SLC4A4: variants seen among roughly 807,000 people sequenced by gnomAD.
SLC4A4 encodes solute carrier family 4 member 4, also known as electrogenic sodium bicarbonate cotransporter 1.
Under a neutral mutation model 111.5 loss-of-function variants are expected in SLC4A4, and 27 were observed. The observed-to-expected ratio is 0.24, with a 90% CI of 0.18 to 0.33. SLC4A4 has a LOEUF of 0.33. SLC4A4 is among the 10% of genes least tolerant of loss of function. The probability of loss-of-function intolerance (pLI) is 1.00; values close to 1 mark genes in which losing one functional copy is unlikely to be tolerated. For synonymous variants in SLC4A4, 443 were observed against 463.4 expected, an observed-to-expected ratio of 0.96 and a Z score of 0.57; for missense variants, 909 against 1,315.5, an observed-to-expected ratio of 0.69 and a Z score of 4.78.
intron 3 of SLC4A4, chr4:71,338,974 C>A: frequency 1.9e-6 from 2 of 1,077,686 alleles, no homozygotes; most frequent in Non-Finnish European, 1.2e-6. Context: ...ACTTTGTTGT[C>A]CCTCCCACTG....
intron 14 of SLC4A4, 137 bp from the exon 15 acceptor site, chr4:71,486,811 A>G: frequency 1.8e-6 from 1 of 556,564 alleles, no homozygotes; most frequent in South Asian, 2.3e-5. Context: ...ATAATAAATA[A>G]AAATTCATTG....
chr4:71,279,177 A>T (rs368387428), intron 3 of SLC4A4, among the ~76,000 whole-genome samples: 20 of 152,274 alleles, frequency 1.3e-4, no homozygotes, highest in East Asian at 5.8e-4. Flanking sequence ...GATCTCCAGA[A>T]CTTACTCATC....
rs537442309 is a variant in SLC4A4 at position 71,475,304 on chromosome 4, A to C, written c.1903+2334A>C. On this transcript the variant is annotated intron_variant, in intron 14 of 25. Transcript: ENST00000264485. Reference sequence around the variant, plus strand: ...TTGTGTTCGTTGTTTTATAATTTGGATGTTGGCAGAGAAGGTAACATGAAA... The same window carrying C: ...TTGTGTTCGTTGTTTTATAATTTGGCTGTTGGCAGAGAAGGTAACATGAAA... 3.3e-5 allele frequency among the ~76,000 whole-genome samples: 5 copies of C among 151,920 alleles called. No homozygotes were observed. In the South Asian group the frequency reaches 1.0e-3, roughly 31 times the overall value.
chr4:71,528,666 T>C (rs186651566), intron 16 of SLC4A4, among the ~76,000 whole-genome samples: 22 of 152,218 alleles, frequency 1.4e-4, no homozygotes, highest in Non-Finnish European at 2.5e-4. Flanking sequence ...TTTTATGATA[T>C]TGTTCATTAT....
At chr4:71,077,853 C>A (rs1287482711) in intron 1 of SLC4A4, among the ~76,000 whole-genome samples, 1 of 152,148 alleles carries the variant, frequency 6.6e-6, no homozygotes, top group South Asian at 2.1e-4. Flanking sequence ...CAAAAATACA[C>A]TTTTAAGCAT....
intron 1 of SLC4A4, among the ~76,000 whole-genome samples, chr4:71,225,860 A>G (rs1334337040): frequency 2.0e-5 from 3 of 152,252 alleles, no homozygotes; most frequent in Non-Finnish European, 4.4e-5. Context: ...ACTACAATGA[A>G]TATGAATTAA....
At chr4:71,554,525 G>C (rs1376023912) in intron 20 of SLC4A4, among the ~76,000 whole-genome samples, 1 of 151,866 alleles carries the variant, frequency 6.6e-6, no homozygotes, top group Non-Finnish European at 1.5e-5. Flanking sequence ...TTTAAAAGAT[G>C]TGTATTAATC....
chr4:71,331,230 G>T (rs1481128384), intron 3 of SLC4A4, among the ~76,000 whole-genome samples: 1 of 152,032 alleles, frequency 6.6e-6, no homozygotes, highest in Admixed American at 6.6e-5. Flanking sequence ...CCCATTACTG[G>T]GTATATACCC....
intron 18 of SLC4A4, among the ~76,000 whole-genome samples, chr4:71,544,540 A>G (rs1210807793): frequency 2.0e-5 from 3 of 152,026 alleles, no homozygotes; most frequent in African/African-American, 7.2e-5. Context: ...TGTAGGCTCC[A>G]CCTTAAGGTA....
At chr4:71,205,411 G>GC (rs1320789006) in intron 1 of SLC4A4, among the ~76,000 whole-genome samples, 4 of 152,096 alleles carry the variant, frequency 2.6e-5, no homozygotes, top group Admixed American at 6.5e-5. Context: ...AGGAGGTAAG[G>GC]CCCCCCCATC....
At chr4:71,176,175 C>T (rs1270133421) in intron 2 of SLC4A4, among the ~76,000 whole-genome samples, 2 of 152,172 alleles carry the variant, frequency 1.3e-5, no homozygotes, top group Non-Finnish European at 2.9e-5. Context: ...CAAACCCCAT[C>T]TGTACGTCAC....
intron 1 of SLC4A4, among the ~76,000 whole-genome samples, chr4:71,198,675 A>T: frequency 6.6e-6 from 1 of 152,164 alleles, no homozygotes; most frequent in South Asian, 2.1e-4. Context: ...CACATATAAG[A>T]GAGAAATAGG....
At chr4:71,502,117 G>A (rs774063839) in intron 16 of SLC4A4, among the ~76,000 whole-genome samples, 7 of 152,034 alleles carry the variant, frequency 4.6e-5, no homozygotes, top group South Asian at 2.1e-4. Flanking sequence ...GCTTGCCACC[G>A]CGCCCACTAA....
intron 1 of SLC4A4, among the ~76,000 whole-genome samples, chr4:71,188,334 C>G (rs1272706041): frequency 6.6e-6 from 1 of 152,106 alleles, no homozygotes; most frequent in East Asian, 1.9e-4. Flanking sequence ...TCCTTCCTTC[C>G]CTCTCAAGGC....
chr4:71,103,535 A>T (rs1742822509), intron 2 of SLC4A4, among the ~76,000 whole-genome samples: 1 of 152,228 alleles, frequency 6.6e-6, no homozygotes, highest in Admixed American at 6.5e-5. Flanking sequence ...AGCTCTCCTC[A>T]GCAAATGTAA....
intron 3 of SLC4A4, among the ~76,000 whole-genome samples, chr4:71,277,123 T>C (rs935546796): frequency 5.9e-5 from 9 of 152,218 alleles, no homozygotes; most frequent in African/African-American, 2.2e-4. Flanking sequence ...CGCTTTTGAA[T>C]GGACATTAGT....
intron 16 of SLC4A4, among the ~76,000 whole-genome samples, chr4:71,499,204 G>C (rs1233435780): frequency 6.6e-6 from 1 of 151,998 alleles, no homozygotes; most frequent in African/African-American, 2.4e-5. Flanking sequence ...TATAATTTAA[G>C]TATAGTAAGT....
rs567410155 is a variant in SLC4A4 at position 71,540,391 on chromosome 4, G to A, written c.2443-5959G>A. ...ATGATTTGTACTCTGTATTAGTAAA[G>A]CATATACAATTTCAAAAGGAAATAA... On this transcript the variant is annotated intron_variant, in intron 18 of 25. Transcript: ENST00000264485. Among the ~76,000 whole-genome samples, 71 of 152,216 alleles carry A rather than the reference G, an allele frequency of 4.7e-4. 1 individual carries two copies. Among genetic ancestry groups the A allele is most frequent in the African/African-American group, 1.7e-3 (69 of 41,540 alleles).
At chr4:71,406,515 T>C (rs1207486575) in intron 7 of SLC4A4, among the ~76,000 whole-genome samples, 1 of 152,154 alleles carries the variant, frequency 6.6e-6, no homozygotes, top group Non-Finnish European at 1.5e-5. Context: ...AGTGGCTGGT[T>C]GATTTATGTG....
Sources: gnomAD v4.1 joint callset for allele counts (sites outside exome capture counted in the v4.1 genomes callset) on GRCh38, gnomAD v4.1.1 for gene constraint, MANE v1.5 for transcripts, NCBI Gene and HGNC (gene_info 2026-07-23, HGNC 2026-07-21) for gene names.